Variants in NEDD4L observed in about 807,000 individuals in gnomAD.
NEDD4L encodes the protein E3 ubiquitin-protein ligase NEDD4-like.
A neutral mutation model predicts 148.9 loss-of-function variants in NEDD4L; 54 were observed. The ratio of observed to expected loss-of-function variants is 0.36; its 90% CI spans 0.29 to 0.45. The LOEUF is 0.45. Ranked by LOEUF, NEDD4L falls within the 20% of genes least tolerant of loss-of-function variation. NEDD4L has a pLI of 1.00. For synonymous variants in NEDD4L, 433 were observed against 440.7 expected (o/e 0.98, Z 0.22); for missense variants, 856 against 1,233.8 (o/e 0.69, Z 4.59).
At chr18:58,380,840 A>G (rs2048248049) in intron 24 of NEDD4L, among the ~76,000 whole-genome samples, 1 of 152,234 alleles carries the variant, frequency 6.6e-6, no homozygotes, top group African/African-American at 2.4e-5. Flanking sequence ...TCAGCAAACT[A>G]ACACAGAAAC....
At chr18:58,204,879 C>T (rs1273771852) in intron 2 of NEDD4L, among the ~76,000 whole-genome samples, 1 of 152,152 alleles carries the variant, frequency 6.6e-6, no homozygotes, top group Non-Finnish European at 1.5e-5. Context: ...AAATGAAACT[C>T]TCCAGCTCTG....
intron 2 of NEDD4L, among the ~76,000 whole-genome samples, chr18:58,224,789 A>T (rs1195683541): frequency 6.6e-6 from 1 of 151,816 alleles, no homozygotes; most frequent in African/African-American, 2.4e-5. Context: ...TCTCCCTTTC[A>T]CTTGTCTGTT....
At chr18:58,117,140 C>G (rs1376978507) in intron 1 of NEDD4L, among the ~76,000 whole-genome samples, 1 of 152,220 alleles carries the variant, frequency 6.6e-6, no homozygotes, top group Non-Finnish European at 1.5e-5. Context: ...GCAGAACCGC[C>G]TCTTTGCTCA....
intron 5 of NEDD4L, among the ~76,000 whole-genome samples, chr18:58,280,060 T>A (rs1173160489): frequency 6.6e-6 from 1 of 152,110 alleles, no homozygotes; most frequent in African/African-American, 2.4e-5. Context: ...GTGTATTTTT[T>A]TGCGGGGGGA....
chr18:58,397,665 C>T lies in NEDD4L; in HGVS notation c.*1396C>T, dbSNP rs961243676. ...AGTGAGACAGAGACTTGACTTGATCCTCTGAGCTCAAGCTATTGAGCTGGT... is the reference window on the plus strand; with the variant it reads ...AGTGAGACAGAGACTTGACTTGATCTTCTGAGCTCAAGCTATTGAGCTGGT... On this transcript the variant is annotated 3_prime_UTR_variant, in exon 31 of 31. Coordinates refer to ENST00000400345, the MANE Select transcript of NEDD4L (RefSeq NM_001144967.3). 6.6e-6 allele frequency: 1 copy of T among 152,634 alleles called. No homozygotes were observed. The highest frequency in any genetic ancestry group is 1.5e-5 in the Non-Finnish European group (1 of 68,050). 9.5% of individuals were successfully genotyped at this position (152,634 alleles called of 1,614,324 possible).
intron 2 of NEDD4L, among the ~76,000 whole-genome samples, chr18:58,238,669 T>C (rs142428004): frequency 4.5e-4 from 69 of 152,296 alleles, no homozygotes; most frequent in African/African-American, 1.6e-3. Context: ...CTTTTACCAG[T>C]AAATATTTAC....
chr18:58,054,187 C>G (rs2081998001), intron 1 of NEDD4L, among the ~76,000 whole-genome samples: 3 of 152,184 alleles, frequency 2.0e-5, no homozygotes, highest in Admixed American at 2.0e-4. Context: ...GCACTCAGTA[C>G]TATTTAGTAA....
At chr18:58,095,064 T>TA (rs779388597) in intron 1 of NEDD4L, among the ~76,000 whole-genome samples, 2 of 152,224 alleles carry the variant, frequency 1.3e-5, no homozygotes, top group Non-Finnish European at 2.9e-5. Flanking sequence ...TGTATTCACT[T>TA]AGACTTTGGT....
At chr18:58,059,117 T>A (rs1421532119) in intron 1 of NEDD4L, among the ~76,000 whole-genome samples, 1 of 152,196 alleles carries the variant, frequency 6.6e-6, no homozygotes, top group Admixed American at 6.5e-5. Flanking sequence ...CCTTAAGAGA[T>A]GGGATCTCAG....
intron 18 of NEDD4L, among the ~76,000 whole-genome samples, chr18:58,353,997 T>TA (rs1338062829): frequency 6.6e-6 from 1 of 152,246 alleles, no homozygotes; most frequent in Non-Finnish European, 1.5e-5. Flanking sequence ...CCTGAGAAGT[T>TA]AGACATTTTC....
chr18:58,320,518 A>G (rs1349295917), intron 6 of NEDD4L, among the ~76,000 whole-genome samples: 1 of 152,198 alleles, frequency 6.6e-6, no homozygotes, highest in African/African-American at 2.4e-5. Flanking sequence ...TTGCTCTCAA[A>G]TTATTTGTTG....
At chr18:58,305,798 G>A (rs969979301) in intron 5 of NEDD4L, among the ~76,000 whole-genome samples, 8 of 152,156 alleles carry the variant, frequency 5.3e-5, no homozygotes, top group Non-Finnish European at 8.8e-5. Context: ...GCTGGTGTGT[G>A]GAAAGAAGGA....
intron 5 of NEDD4L, among the ~76,000 whole-genome samples, chr18:58,310,431 T>G (rs1438628670): frequency 6.6e-6 from 1 of 152,188 alleles, no homozygotes; most frequent in Non-Finnish European, 1.5e-5. Flanking sequence ...GCATATGAAG[T>G]GAATTTTGGT....
chr18:58,224,218 A>C (rs1468378752), intron 2 of NEDD4L, among the ~76,000 whole-genome samples: 1 of 152,216 alleles, frequency 6.6e-6, no homozygotes, highest in Non-Finnish European at 1.5e-5. Flanking sequence ...AATTATAAAC[A>C]GCCTCCTCTG....
chr18:58,332,897 T>A (rs1204235469), intron 11 of NEDD4L, among the ~76,000 whole-genome samples: 2 of 152,202 alleles, frequency 1.3e-5, no homozygotes, highest in East Asian at 3.8e-4. Context: ...TAGAGGAATA[T>A]TAAGACACTA....
rs1491184930 is a variant in NEDD4L, at chr18:58,234,052, T to TC, written c.123-11374dup. 9.5e-5 allele frequency among the ~76,000 whole-genome samples: 7 copies of TC among 74,016 alleles called. No homozygotes were observed. The South Asian group carries it at 2.5e-3, about 26-fold the overall frequency. 48.6% of individuals were successfully genotyped at this position (74,016 alleles called of 152,430 possible). On this transcript the variant is annotated intron_variant, in intron 2 of 30. Coordinates refer to ENST00000400345, the MANE Select transcript of NEDD4L (RefSeq NM_001144967.3). ...ATGACCTCATTTCTTTCCTTTTCTT[T>TC]CTTTCTTTCTTTCTTTCTTTCTTTC...
chr18:58,290,459 C>G (rs1347461638), intron 5 of NEDD4L, among the ~76,000 whole-genome samples: 4 of 96,946 alleles, frequency 4.1e-5, no homozygotes, highest in African/African-American at 1.4e-4. Context: ...GAAGCAGTTA[C>G]CAGCATAAAA....
At chr18:58,333,375 T>G (rs149455958) in intron 11 of NEDD4L, among the ~76,000 whole-genome samples, 196 of 152,216 alleles carry the variant, frequency 1.3e-3, no homozygotes, top group African/African-American at 4.6e-3. Context: ...AGGATGCAAC[T>G]GACTCTTTTT....
intron 5 of NEDD4L, among the ~76,000 whole-genome samples, chr18:58,290,048 C>T (rs953157804): frequency 3.9e-5 from 6 of 152,160 alleles, no homozygotes; most frequent in African/African-American, 7.2e-5. Flanking sequence ...ACAAAATATC[C>T]GCAACTACTG....
Sources: allele counts gnomAD v4.1 joint callset (sites outside exome capture counted in the v4.1 genomes callset), GRCh38; gene constraint gnomAD v4.1.1; transcripts MANE v1.5; gene names NCBI Gene and HGNC (gene_info 2026-07-23, HGNC 2026-07-21).